The following LGALS9 variants were observed in gnomAD, a reference collection of about 807,000 sequenced individuals.
LGALS9 encodes galectin 9.
Under a neutral mutation model 35.9 loss-of-function variants are expected in LGALS9, and 26 were observed. The observed-to-expected ratio is 0.72, with a 90% CI of 0.53 to 1.01. The LOEUF (loss-of-function observed/expected upper bound fraction) is 1.01, where lower values mean the gene tolerates loss of function less well. Among genes scored for constraint, LGALS9 ranks in the 50% least tolerant of loss-of-function variants. LGALS9 has a pLI of 0.00. For missense variants in LGALS9, 347 were observed against 445.8 expected, an observed-to-expected ratio of 0.78 and a Z score of 1.99; for synonymous variants, 149 against 172.2, an observed-to-expected ratio of 0.87 and a Z score of 1.06.
intron 1 of LGALS9, among the ~76,000 whole-genome samples, chr17:27,637,755 C>T (rs1234237159): frequency 8.5e-5 from 13 of 152,178 alleles, no homozygotes; most frequent in Admixed American, 5.2e-4. Context: ...TTAACCTCCT[C>T]GGGTGAGTCG....
At chr17:27,648,656 A>G (rs1905104347) in intron 10 of LGALS9, among the ~76,000 whole-genome samples, 180 bp from the exon 11 acceptor site, 1 of 148,036 alleles carries the variant, frequency 6.8e-6, no homozygotes, top group Admixed American at 7.0e-5. Flanking sequence ...GGAACAGTAC[A>G]GGGGAAAGAG....
At chr17:27,647,215 G>A in intron 9 of LGALS9, 55 bp from the exon 10 acceptor site, 1 of 1,613,584 alleles carries the variant, frequency 6.2e-7, no homozygotes. Context: ...ATGATGGGGA[G>A]GAAATGGGAC....
At chr17:27,635,013 C>CT (rs1266418163) in intron 1 of LGALS9, among the ~76,000 whole-genome samples, 3 of 152,130 alleles carry the variant, frequency 2.0e-5, no homozygotes, top group African/African-American at 7.2e-5. Context: ...TACACAGAAC[C>CT]TATTAAATGG....
intron 1 of LGALS9, among the ~76,000 whole-genome samples, chr17:27,632,728 G>A (rs537291890): frequency 3.9e-5 from 6 of 152,288 alleles, no homozygotes; most frequent in South Asian, 4.1e-4. Flanking sequence ...ATTATCCTAC[G>A]GACATCAGAG....
chr17:27,645,953 C>T, intron 7 of LGALS9, 42 bp downstream of exon 7: 1 of 1,612,404 alleles, frequency 6.2e-7, no homozygotes. Context: ...TGCACAGTGT[C>T]CTCCTTCACC....
chr17:27,634,567 CA>C (rs1388766681), intron 1 of LGALS9, among the ~76,000 whole-genome samples: 1 of 151,870 alleles, frequency 6.6e-6, no homozygotes, highest in Non-Finnish European at 1.5e-5. Context: ...AAACAAAAAA[CA>C]AAAAACGAAA....
Position 27,631,249 on chromosome 17 carries a change from A to G in LGALS9, c.-17A>G, listed in dbSNP as rs1290542517. On this transcript the variant is annotated 5_prime_UTR_variant, in exon 1 of 11. Coordinates refer to ENST00000395473, the MANE Select transcript of LGALS9 (RefSeq NM_009587.3). The stretch of plus-strand genomic sequence containing the variant: ...GTGGGTGTGAAAGGCAGCGGTGGCC[A>G]CAGAGGCGGCGGAGAGATGGCCTTC... The G allele has an allele frequency of 1.2e-6, 2 of 1,614,154 alleles. No individual in the cohort carries two copies. The highest frequency in any genetic ancestry group is 1.7e-5 in the Admixed American group (1 of 60,026).
At chr17:27,648,561 C>A (rs1249706376) in intron 10 of LGALS9, among the ~76,000 whole-genome samples, 3 of 152,140 alleles carry the variant, frequency 2.0e-5, no homozygotes, top group Admixed American at 6.5e-5. Flanking sequence ...GCCCAGAGCA[C>A]TCCTGTGTGC....
intron 10 of LGALS9, 39 bp downstream of exon 10, chr17:27,647,471 G>A (rs1477181065): frequency 6.2e-7 from 1 of 1,611,948 alleles, no homozygotes; most frequent in Non-Finnish European, 8.5e-7. Context: ...AGGCTCCCAT[G>A]GGTGCACAGG....
chr17:27,641,953 A>C (rs1411674876), intron 3 of LGALS9, among the ~76,000 whole-genome samples: 2 of 152,068 alleles, frequency 1.3e-5, no homozygotes, highest in Non-Finnish European at 2.9e-5. Context: ...ACAAAAAAAA[A>C]CAGTTGAAGG....
At chr17:27,639,817 A>G (rs1598182495) in intron 2 of LGALS9, among the ~76,000 whole-genome samples, 1 of 151,602 alleles carries the variant, frequency 6.6e-6, no homozygotes. Context: ...GCTCACTACA[A>G]CCTCCGCCTC....
At chr17:27,647,482 G>T (rs778754171) in intron 10 of LGALS9, 50 bp downstream of exon 10, 5 of 1,608,692 alleles carry the variant, frequency 3.1e-6, no homozygotes, top group Non-Finnish European at 4.2e-6. Context: ...GGTGCACAGG[G>T]GGAGGGGGTA....
chr17:27,631,236 G>A lies in LGALS9; in HGVS notation c.-30G>A. 1 of 1,614,158 alleles carries A rather than the reference G, an allele frequency of 6.2e-7. No homozygotes were observed. The highest frequency in any genetic ancestry group is 2.2e-5 in the East Asian group (1 of 44,880). On this transcript the variant is annotated 5_prime_UTR_variant, in exon 1 of 11. Coordinates refer to ENST00000395473, the MANE Select transcript of LGALS9 (RefSeq NM_009587.3). ...AAAGGACTTCCTAGTGGGTGTGAAA[G>A]GCAGCGGTGGCCACAGAGGCGGCGG... is the stretch of plus-strand genomic sequence containing the variant.
intron 4 of LGALS9, among the ~76,000 whole-genome samples, chr17:27,643,015 C>A (rs1904637145): frequency 1.3e-5 from 2 of 152,100 alleles, no homozygotes; most frequent in Non-Finnish European, 1.5e-5. Context: ...TCTGTCTGGG[C>A]AAAACAGCAA....
rs141915934 is a variant in LGALS9 at position 27,631,270 on chromosome 17, C to G, written c.5C>G (p.Ala2Gly). Residue 2 changes from alanine (A) to glycine (G), a missense_variant, in exon 1 of 11, where the codon GCC (alanine) becomes GGC (glycine). Transcript: ENST00000395473. M[A>G]FSGSQAPYLS... ...GGCCACAGAGGCGGCGGAGAGATGG[C>G]CTTCAGCGGTTCCCAGGCTCCCTAC... is the stretch of plus-strand genomic sequence containing the variant. 1 of 1,614,022 alleles carries G rather than the reference C, an allele frequency of 6.2e-7. No homozygotes were observed. Among genetic ancestry groups the G allele is most frequent in the Non-Finnish European group, 8.5e-7 (1 of 1,180,014 alleles).
rs374940425 is a variant in LGALS9, at chr17:27,648,823, G to A, written c.922-13G>A. On this transcript the variant is annotated splice_polypyrimidine_tract_variant and intron_variant, in intron 10 of 10. Coordinates refer to ENST00000395473, the MANE Select transcript of LGALS9 (RefSeq NM_009587.3). Reference sequence around the variant, plus strand: ...TTCCCAAGTGTAGTGCAAACGGCATGATCTCTGCACAGGTGTGGATCTTGT... The same window carrying A: ...TTCCCAAGTGTAGTGCAAACGGCATAATCTCTGCACAGGTGTGGATCTTGT... 2 of 1,613,596 alleles carry A rather than the reference G, an allele frequency of 1.2e-6. No homozygotes were observed. Among genetic ancestry groups the A allele is most frequent in the Non-Finnish European group, 8.5e-7 (1 of 1,179,808 alleles).
chr17:27,646,730 G>T, intron 8 of LGALS9, 142 bp downstream of exon 8: 1 of 1,402,784 alleles, frequency 7.1e-7, no homozygotes, highest in South Asian at 1.2e-5. Flanking sequence ...GCATCCCAGC[G>T]AATTAGAAGG....
intron 1 of LGALS9, among the ~76,000 whole-genome samples, chr17:27,632,944 G>C (rs2074407232): frequency 6.6e-6 from 1 of 152,158 alleles, no homozygotes; most frequent in Admixed American, 6.5e-5. Context: ...CTGCTGAGGA[G>C]GGCTGAGTGC....
intron 1 of LGALS9, among the ~76,000 whole-genome samples, chr17:27,636,660 T>A (rs1167281471): frequency 6.6e-6 from 1 of 151,836 alleles, no homozygotes; most frequent in African/African-American, 2.4e-5. Flanking sequence ...TTTGTAGAGA[T>A]GGGGGTCCCA....
Sources: gnomAD v4.1 joint callset for allele counts (sites outside exome capture counted in the v4.1 genomes callset) on GRCh38, gnomAD v4.1.1 for gene constraint, MANE v1.5 for transcripts, NCBI Gene and HGNC (gene_info 2026-07-23, HGNC 2026-07-21) for gene names.